Variants in HMCN1 observed in about 807,000 individuals in gnomAD.
HMCN1 encodes hemicentin 1.
In HMCN1, 321 loss-of-function variants were observed where a neutral mutation model predicts 625.9. That is an observed-to-expected ratio of 0.51 (90% confidence interval 0.47 to 0.56). HMCN1 has a LOEUF of 0.56. Ranked by LOEUF, HMCN1 falls within the 20% of genes least tolerant of loss-of-function variation. The pLI is 0.00. For synonymous variants in HMCN1, 2,425 were observed against 2,417.6 expected (o/e 1.00, Z -0.09); for missense variants, 6,588 against 6,887.3 (o/e 0.96, Z 1.54).
chr1:185,981,737 T>G (rs1651654262), intron 17 of HMCN1, among the ~76,000 whole-genome samples: 1 of 152,180 alleles, frequency 6.6e-6, no homozygotes, highest in Non-Finnish European at 1.5e-5. Flanking sequence ...TTACTTTATG[T>G]TAAATTTATT....
intron 4 of HMCN1, among the ~76,000 whole-genome samples, chr1:185,875,044 A>T (rs928645242): frequency 6.6e-6 from 1 of 151,930 alleles, no homozygotes; most frequent in African/African-American, 2.4e-5. Flanking sequence ...TAAAATTATT[A>T]ATTTGAACAA....
At chr1:185,925,970 G>T (rs1231567888) in intron 9 of HMCN1, among the ~76,000 whole-genome samples, 1 of 152,178 alleles carries the variant, frequency 6.6e-6, no homozygotes, top group Non-Finnish European at 1.5e-5. Context: ...GTCACAGCAG[G>T]TGTGGCACCT....
rs1474836124 is a variant in HMCN1, at chr1:186,123,046, G to A, written c.12325G>A (p.Asp4109Asn). Reference protein sequence around the residue: ...SCEADGLPPPDITWHKDGRAI... With the variant: ...SCEADGLPPPNITWHKDGRAI... ...TGAAGCAGATGGCCTCCCTCCGCCT[G>A]ACATTACATGGCATAAAGATGGGCG... is the stretch of plus-strand genomic sequence containing the variant. Residue 4109 changes from aspartate (D) to asparagine (N), a missense_variant, in exon 81 of 107, where the codon GAC becomes AAC. By Grantham distance (23) the Asp-to-Asn change is conservative (BLOSUM62 1). This residue lies in a region of HMCN1 where 1,954 missense variants were observed against 2,013.1 expected (regional missense o/e 0.97). Coordinates refer to ENST00000271588, the MANE Select transcript of HMCN1 (RefSeq NM_031935.3). The A allele has an allele frequency of 5.0e-6, 8 of 1,614,018 alleles. No homozygotes were observed. The Admixed American group carries it at 1.2e-4, about 24-fold the overall frequency.
At chr1:185,763,926 A>G (rs891157346) in intron 1 of HMCN1, among the ~76,000 whole-genome samples, 5 of 152,188 alleles carry the variant, frequency 3.3e-5, no homozygotes, top group African/African-American at 1.2e-4. Flanking sequence ...GAACATGTGT[A>G]TATAATTGAT....
intron 43 of HMCN1, 145 bp downstream of exon 43, chr1:186,053,219 T>C (rs1045822677): frequency 5.7e-6 from 4 of 706,148 alleles, no homozygotes; most frequent in Non-Finnish European, 9.6e-6. Flanking sequence ...TTATATTAAA[T>C]GTGCAACATG....
rs1246208892 is a variant in HMCN1 at position 186,055,385 on chromosome 1, A to T, written c.6863-8A>T. ...TTTTGTTTCTTTTTATCTTCCTCCAACCCTCAGTTAGACCAACCATAACCA... is the reference window on the plus strand; with the variant it reads ...TTTTGTTTCTTTTTATCTTCCTCCATCCCTCAGTTAGACCAACCATAACCA... On this transcript the variant is annotated splice_polypyrimidine_tract_variant and splice_region_variant and intron_variant, in intron 44 of 106. Coordinates refer to ENST00000271588, the MANE Select transcript of HMCN1 (RefSeq NM_031935.3). 1 of 1,611,838 alleles carries T rather than the reference A, an allele frequency of 6.2e-7. No homozygotes were observed. The highest frequency in any genetic ancestry group is 8.5e-7 in the Non-Finnish European group (1 of 1,178,618).
At chr1:186,171,084 A>C (rs533617979) in intron 100 of HMCN1, among the ~76,000 whole-genome samples, 33 of 152,190 alleles carry the variant, frequency 2.2e-4, no homozygotes, top group Non-Finnish European at 4.3e-4. Context: ...AAATACTTAA[A>C]GTAGAAGAGT....
chr1:186,020,254 G>GATAGATAA (rs1291454949), intron 35 of HMCN1, among the ~76,000 whole-genome samples: 1 of 151,840 alleles, frequency 6.6e-6, no homozygotes, highest in African/African-American at 2.4e-5. Context: ...TAGATAGATA[G>GATAGATAA]ATAGATAGAT....
intron 29 of HMCN1, among the ~76,000 whole-genome samples, chr1:186,004,665 A>C (rs1002616960): frequency 6.6e-6 from 1 of 152,140 alleles, no homozygotes; most frequent in African/African-American, 2.4e-5. Flanking sequence ...GGAAAGCAAG[A>C]TACAGTGCTC....
intron 25 of HMCN1, among the ~76,000 whole-genome samples, chr1:185,998,936 C>T (rs1182688557): frequency 6.6e-6 from 1 of 152,094 alleles, no homozygotes; most frequent in African/African-American, 2.4e-5. Flanking sequence ...TTCTTGACAA[C>T]ATGGACAGGC....
At chr1:186,116,217 G>T (rs931965923) in intron 75 of HMCN1, among the ~76,000 whole-genome samples, 1 of 152,016 alleles carries the variant, frequency 6.6e-6, no homozygotes, top group African/African-American at 2.4e-5. Flanking sequence ...CCATGCTTTT[G>T]AATTAAAAGG....
intron 97 of HMCN1, among the ~76,000 whole-genome samples, chr1:186,163,525 G>C (rs1346306816): frequency 1.3e-5 from 2 of 152,118 alleles, no homozygotes; most frequent in Admixed American, 1.3e-4. Context: ...CTGTAGACTG[G>C]AGCTGTTCCT....
intron 102 of HMCN1, among the ~76,000 whole-genome samples, chr1:186,173,080 C>T (rs556273974): frequency 2.0e-3 from 297 of 152,280 alleles, no homozygotes; most frequent in Non-Finnish European, 3.2e-3. Flanking sequence ...TTCTTGACAG[C>T]TATCTAACCT....
At chr1:186,073,988 C>G (rs1658633111) in intron 52 of HMCN1, among the ~76,000 whole-genome samples, 1 of 151,830 alleles carries the variant, frequency 6.6e-6, no homozygotes. Flanking sequence ...GCTAAGAGAA[C>G]ACAGCATTGG....
intron 23 of HMCN1, 56 bp downstream of exon 23, chr1:185,993,365 C>A (rs778551867): frequency 6.3e-7 from 1 of 1,597,158 alleles, no homozygotes; most frequent in Admixed American, 1.7e-5. Flanking sequence ...CACAAAAACC[C>A]GTAATCCTAG....
At chr1:185,740,599 T>C (rs1185944962) in intron 1 of HMCN1, among the ~76,000 whole-genome samples, 1 of 150,524 alleles carries the variant, frequency 6.6e-6, no homozygotes, top group Non-Finnish European at 1.5e-5. Context: ...AGATCTCTCA[T>C]GGACAGGTTA....
At chr1:185,937,923 G>A (rs10911782) in intron 11 of HMCN1, among the ~76,000 whole-genome samples, 7 of 135,484 alleles carry the variant, frequency 5.2e-5, no homozygotes, top group East Asian at 2.1e-4. Context: ...AATAATAATA[G>A]TAATAATAAT....
At chr1:186,167,637 G>A (rs1007667042) in intron 100 of HMCN1, among the ~76,000 whole-genome samples, 28 of 152,142 alleles carry the variant, frequency 1.8e-4, no homozygotes, top group Non-Finnish European at 2.9e-4. Flanking sequence ...GTTCTTCACC[G>A]AATCATGTCT....
At chr1:185,916,908 A>G (rs1666733461) in intron 6 of HMCN1, among the ~76,000 whole-genome samples, 1 of 152,142 alleles carries the variant, frequency 6.6e-6, no homozygotes, top group Non-Finnish European at 1.5e-5. Context: ...AATGAGGAAA[A>G]AACCTGGAGG....
Sources: allele counts gnomAD v4.1 joint callset (sites outside exome capture counted in the v4.1 genomes callset), GRCh38; gene constraint gnomAD v4.1.1; regional missense constraint gnomAD v4.1.1; transcripts MANE v1.5; gene names NCBI Gene and HGNC (gene_info 2026-07-23, HGNC 2026-07-21).